The following SLC16A2 variants were observed in gnomAD, a reference collection of about 807,000 sequenced individuals.
The protein encoded by SLC16A2 is monocarboxylate transporter 8.
SLC16A2 carries 3 observed loss-of-function variants against 27.2 expected under a neutral mutation model. The observed-to-expected ratio is 0.11, with a 90% CI of 0.05 to 0.28. The LOEUF is 0.28. Among genes scored for constraint, SLC16A2 ranks in the 10% least tolerant of loss-of-function variants. SLC16A2 has a pLI of 1.00. For missense variants in SLC16A2, 295 were observed against 458.5 expected (o/e 0.64, Z 3.26); for synonymous variants, 202 against 187.8 (o/e 1.08, Z -0.62).
chrX:74,531,299 G>A (rs1231852074), intron 5 of SLC16A2, 34 bp from the exon 6 acceptor site: 3 of 1,159,546 alleles, frequency 2.6e-6, no homozygotes, highest in Non-Finnish European at 3.5e-6. Context: ...GTAGGGCAAA[G>A]CTGAGCTTGA....
intron 1 of SLC16A2, among the ~76,000 whole-genome samples, chrX:74,501,810 C>G (rs1261856913): frequency 9.0e-6 from 1 of 111,274 alleles, no homozygotes; most frequent in Non-Finnish European, 1.9e-5. Context: ...TGTGTTCAAG[C>G]ACTATCTGGG....
intron 1 of SLC16A2, among the ~76,000 whole-genome samples, chrX:74,459,472 C>A (rs1325813804): frequency 9.3e-6 from 1 of 107,691 alleles, no homozygotes; most frequent in Non-Finnish European, 1.9e-5. Context: ...CACTGAAGGA[C>A]AGAGTTTGAG....
chrX:74,498,051 T>C (rs1350599721), intron 1 of SLC16A2, among the ~76,000 whole-genome samples: 1 of 111,747 alleles, frequency 8.9e-6, no homozygotes, highest in Non-Finnish European at 1.9e-5. Flanking sequence ...CTCCTGGGTA[T>C]AGGCCAAGCT....
At chrX:74,462,876 C>T (rs1265667345) in intron 1 of SLC16A2, among the ~76,000 whole-genome samples, 1 of 111,960 alleles carries the variant, frequency 8.9e-6, no homozygotes, top group East Asian at 2.8e-4. Context: ...AGAAACACTG[C>T]CCACAGACTC....
chrX:74,476,968 G>T (rs1929494136), intron 1 of SLC16A2: 1 of 111,699 alleles, frequency 9.0e-6, no homozygotes, highest in South Asian at 3.7e-4. Context: ...GCCAGGCTTT[G>T]GTATCAGAAT....
chrX:74,515,415 A>G (rs1222692254), intron 1 of SLC16A2, among the ~76,000 whole-genome samples: 1 of 111,102 alleles, frequency 9.0e-6, no homozygotes. Flanking sequence ...TGAGGTTATA[A>G]CAAAATATTT....
At position 74,492,347 on chromosome X, in the gene SLC16A2, T is replaced by C. The variant is rs748450909; in HGVS notation, c.431-28643T>C. Among the ~76,000 whole-genome samples the C allele has an allele frequency of 9.9e-5, 11 of 111,239 alleles. No homozygotes were observed. In the South Asian group the frequency reaches 3.9e-3, roughly 39 times the overall value. ...GAAAAAGTACATTCTAAGGGTAAAG[T>C]ACATAAAGAGCTGCTTCAGGAAGAA... On this transcript the variant is annotated intron_variant, in intron 1 of 5. Coordinates refer to ENST00000587091, the MANE Select transcript of SLC16A2 (RefSeq NM_006517.5).
intron 1 of SLC16A2, among the ~76,000 whole-genome samples, chrX:74,474,821 A>C (rs1237651749): frequency 1.8e-5 from 2 of 110,216 alleles, no homozygotes; most frequent in East Asian, 5.6e-4. Flanking sequence ...ATCATTTTTT[A>C]TGGCTGCATA....
At chrX:74,485,502 G>A (rs974575941) in intron 1 of SLC16A2, among the ~76,000 whole-genome samples, 2 of 110,249 alleles carry the variant, frequency 1.8e-5, no homozygotes, top group African/African-American at 6.6e-5. Context: ...GGGGATCTTT[G>A]CTCTTAGAGC....
rs574052026 is a variant in SLC16A2, at chrX:74,454,829, C to T, written c.430+32762C>T. ...GGCCCAACTTAAGTCATTATATCCT[C>T]CATGATTCTTTATTCAGTAGCTCTA... On this transcript the variant is annotated intron_variant, in intron 1 of 5. Transcript: ENST00000587091. 1.1e-4 allele frequency among the ~76,000 whole-genome samples: 12 copies of T among 112,074 alleles called. No homozygotes were observed. The South Asian group carries it at 4.5e-3, about 42-fold the overall frequency.
chrX:74,498,798 T>G (rs1929979721), intron 1 of SLC16A2, among the ~76,000 whole-genome samples: 1 of 112,049 alleles, frequency 8.9e-6, no homozygotes, highest in Admixed American at 9.5e-5. Flanking sequence ...AATCCTGAGC[T>G]ATTGAGGAGC....
At chrX:74,505,393 G>A (rs762273217) in intron 1 of SLC16A2, among the ~76,000 whole-genome samples, 5 of 112,133 alleles carry the variant, frequency 4.5e-5, no homozygotes, top group Non-Finnish European at 7.5e-5. Flanking sequence ...GCAGTATCCT[G>A]GAAAAGGCAT....
In SLC16A2 at chrX:74,520,985, T is replaced by C. The variant is rs1930396533; in HGVS notation, c.431-5T>C. On this transcript the variant is annotated splice_polypyrimidine_tract_variant and splice_region_variant and intron_variant, in intron 1 of 5. Coordinates refer to ENST00000587091, the MANE Select transcript of SLC16A2 (RefSeq NM_006517.5). ...AAAGTGTCTTTGCACTTGTTTTCTCTGCAGCATGGGTCGGAGCCCTCGCGA... is the reference window on the plus strand; with the variant it reads ...AAAGTGTCTTTGCACTTGTTTTCTCCGCAGCATGGGTCGGAGCCCTCGCGA... 1 of 1,210,011 alleles carries C rather than the reference T, an allele frequency of 8.3e-7. No individual in the cohort carries two copies. The highest frequency in any genetic ancestry group is 1.7e-5 in the African/African-American group (1 of 57,181).
At chrX:74,493,523 C>T (rs768283283) in intron 1 of SLC16A2, among the ~76,000 whole-genome samples, 11 of 112,063 alleles carry the variant, frequency 9.8e-5, no homozygotes, top group East Asian at 5.7e-4. Flanking sequence ...TTCCCGTCCC[C>T]GAAGGACAGC....
intron 1 of SLC16A2, among the ~76,000 whole-genome samples, chrX:74,515,010 A>T (rs1447014608): frequency 8.9e-6 from 1 of 111,921 alleles, no homozygotes; most frequent in Non-Finnish European, 1.9e-5. Context: ...ATCACGAATC[A>T]CACCAAGGAC....
chrX:74,502,966 A>G (rs1392744795), intron 1 of SLC16A2, among the ~76,000 whole-genome samples: 1 of 109,817 alleles, frequency 9.1e-6, no homozygotes, highest in Non-Finnish European at 1.9e-5. Flanking sequence ...GCATTACTCC[A>G]TAGCTACTAC....
chrX:74,513,602 T>C (rs999169603), intron 1 of SLC16A2, among the ~76,000 whole-genome samples: 2 of 111,984 alleles, frequency 1.8e-5, no homozygotes, highest in African/African-American at 6.5e-5. Context: ...ATTGCTTGAT[T>C]ATTTTTCTCT....
chrX:74,511,481 G>T (rs1459295901), intron 1 of SLC16A2, among the ~76,000 whole-genome samples: 1 of 112,258 alleles, frequency 8.9e-6, no homozygotes, highest in East Asian at 2.8e-4. Context: ...GCACCCGGCC[G>T]CGATTTGTTT....
At chrX:74,531,121 C>CT (rs1397848566) in intron 5 of SLC16A2, among the ~76,000 whole-genome samples, 2 of 112,690 alleles carry the variant, frequency 1.8e-5, no homozygotes, top group African/African-American at 6.4e-5. Context: ...AATGGAGAAA[C>CT]TTTAAGAGAA....
Sources: allele counts gnomAD v4.1 joint callset (sites outside exome capture counted in the v4.1 genomes callset), GRCh38; gene constraint gnomAD v4.1.1; transcripts MANE v1.5; gene names NCBI Gene and HGNC (gene_info 2026-07-23, HGNC 2026-07-21).